Variants in PLCZ1 observed in about 807,000 individuals in gnomAD.
The protein encoded by PLCZ1 is phospholipase C zeta 1.
A neutral mutation model predicts 76.8 loss-of-function variants in PLCZ1; 64 were observed. The observed-to-expected ratio is 0.83, with a 90% CI of 0.68 to 1.03. PLCZ1 has a LOEUF of 1.03. Among genes scored for constraint, PLCZ1 ranks in the 50% least tolerant of loss-of-function variants. The pLI, the probability that PLCZ1 is intolerant of heterozygous loss-of-function variation, is 0.00. For missense variants in PLCZ1, 751 were observed against 713.7 expected, an observed-to-expected ratio of 1.05 and a Z score of -0.60; for synonymous variants, 248 against 230.8, an observed-to-expected ratio of 1.07 and a Z score of -0.68.
At chr12:18,717,661 C>A (rs1394412391) in intron 5 of PLCZ1, among the ~76,000 whole-genome samples, 1 of 152,116 alleles carries the variant, frequency 6.6e-6, no homozygotes, top group African/African-American at 2.4e-5. Context: ...CAATGGGCTT[C>A]TCTCTTGGGC....
the PLCZ1 span, among the ~76,000 whole-genome samples, chr12:18,670,984 C>G: frequency 6.6e-6 from 1 of 151,886 alleles, no homozygotes; most frequent in Non-Finnish European, 1.5e-5. Context: ...AGTTAGAGCA[C>G]CTGGACAACA....
intron 12 of PLCZ1, 106 bp from the exon 13 acceptor site, chr12:18,688,324 C>T: frequency 8.6e-7 from 1 of 1,166,764 alleles, no homozygotes; most frequent in Non-Finnish European, 1.2e-6. Flanking sequence ...GACTCTAAGT[C>T]AGCTCCCACA....
chr12:18,680,675 G>C (rs1476076411), downstream of PLCZ1, among the ~76,000 whole-genome samples: 1 of 152,032 alleles, frequency 6.6e-6, no homozygotes, highest in Non-Finnish European at 1.5e-5. Context: ...AATTTGTCCA[G>C]CCAAAGACAA....
At chr12:18,694,696 A>G (rs2137163928) in intron 12 of PLCZ1, among the ~76,000 whole-genome samples, 1 of 152,196 alleles carries the variant, frequency 6.6e-6, no homozygotes, top group East Asian at 1.9e-4. Context: ...CAATATGTCA[A>G]TTCACAGGCA....
the PLCZ1 span, among the ~76,000 whole-genome samples, chr12:18,650,744 A>C: frequency 2.4e-5 from 1 of 41,964 alleles, no homozygotes; most frequent in African/African-American, 1.5e-4. Context: ...ATATATATAT[A>C]TATATATATA....
At chr12:18,694,315 A>T (rs897371193) in intron 12 of PLCZ1, among the ~76,000 whole-genome samples, 1 of 152,116 alleles carries the variant, frequency 6.6e-6, no homozygotes, top group African/African-American at 2.4e-5. Flanking sequence ...GCGCTCTTTC[A>T]CAAACAAACA....
At chr12:18,673,196 T>G in the PLCZ1 span, among the ~76,000 whole-genome samples, 1 of 152,108 alleles carries the variant, frequency 6.6e-6, no homozygotes, top group African/African-American at 2.4e-5. Context: ...ATACTGCCCC[T>G]CATAAAGGGT....
chr12:18,714,417 T>C (rs1318003709), intron 5 of PLCZ1, among the ~76,000 whole-genome samples: 1 of 152,138 alleles, frequency 6.6e-6, no homozygotes, highest in East Asian at 1.9e-4. Flanking sequence ...TGACTGTTAG[T>C]AAATATTTAT....
chr12:18,736,982 T>C (rs1592311341), intron 2 of PLCZ1, among the ~76,000 whole-genome samples: 1 of 152,104 alleles, frequency 6.6e-6, no homozygotes, highest in Non-Finnish European at 1.5e-5. Context: ...TTACTTATCA[T>C]AGATAAACTA....
chr12:18,684,152 C>A lies in PLCZ1; in HGVS notation c.1719G>T (p.Leu573Phe), dbSNP rs1444032727. The A allele has an allele frequency of 6.2e-7, 1 of 1,611,814 alleles. No individual in the cohort carries two copies. Residue 573 changes from leucine (L) to phenylalanine (F), a missense_variant, in exon 14 of 15, where the codon TTG (leucine) becomes TTT (phenylalanine). Leu to Phe is a conservative substitution (Grantham distance 22). Coordinates refer to ENST00000266505, the MANE Select transcript of PLCZ1 (RefSeq NM_033123.4). ...TACCTTTGTTCATGCATAGAAGTGGCAAAGTATATTGCCCAAGAAATTCAT... is the reference window on the plus strand; with the variant it reads ...TACCTTTGTTCATGCATAGAAGTGGAAAAGTATATTGCCCAAGAAATTCAT... ...AGNEFLGQYT[L>F]PLLCMNKGYR...
chr12:18,648,036 T>C, the PLCZ1 span: 7 of 1,558,988 alleles, frequency 4.5e-6, no homozygotes, highest in Non-Finnish European at 6.1e-6. Flanking sequence ...TGACCATTGC[T>C]ATGAACATAT....
chr12:18,705,094 C>T (rs1956437162), intron 7 of PLCZ1, 72 bp downstream of exon 7: 4 of 1,562,684 alleles, frequency 2.6e-6, no homozygotes, highest in Non-Finnish European at 3.5e-6. Flanking sequence ...CCCAGTTTCA[C>T]AGGCCAATAT....
chr12:18,718,918 A>G (rs1393503617), intron 5 of PLCZ1, among the ~76,000 whole-genome samples: 1 of 152,202 alleles, frequency 6.6e-6, no homozygotes, highest in Non-Finnish European at 1.5e-5. Context: ...AAAATCAGCA[A>G]TGCAATGTGG....
intron 2 of PLCZ1, among the ~76,000 whole-genome samples, chr12:18,737,085 T>C (rs1959421050): frequency 1.3e-5 from 2 of 152,192 alleles, no homozygotes; most frequent in South Asian, 2.1e-4. Context: ...GTAAAAATTG[T>C]GCAAAACTAC....
In PLCZ1 at chr12:18,730,879, C is replaced by T. The variant is rs147139206; in HGVS notation, c.135+5342G>A. The stretch of plus-strand genomic sequence containing the variant: ...ATTTTAATAAATCGAGAAGCAATAG[C>T]TTTTCTCCCTTTGGAAGATACTACC... On this transcript the variant is annotated intron_variant, in intron 3 of 14. Coordinates refer to ENST00000266505, the MANE Select transcript of PLCZ1 (RefSeq NM_033123.4). The T allele has an allele frequency of 4.3e-3, 658 of 152,194 alleles. 6 individuals are homozygous for T. Among genetic ancestry groups the T allele is most frequent in the African/African-American group, 0.015 (628 of 41,550 alleles). 9.4% of individuals were successfully genotyped at this position (152,194 alleles called of 1,614,324 possible).
At chr12:18,667,961 AGAAG>A in the PLCZ1 span, among the ~76,000 whole-genome samples, 11 of 152,130 alleles carry the variant, frequency 7.2e-5, no homozygotes, top group African/African-American at 2.7e-4. Context: ...AGTCCTGAGG[AGAAG>A]CAACAACAAC....
intron 6 of PLCZ1, among the ~76,000 whole-genome samples, chr12:18,705,997 C>T (rs533672499): frequency 2.3e-4 from 35 of 151,990 alleles, no homozygotes; most frequent in South Asian, 6.2e-4. Context: ...GAGGCCGAGG[C>T]GGGTGGATCA....
chr12:18,694,117 C>G, intron 12 of PLCZ1: 1 of 960,226 alleles, frequency 1.0e-6, no homozygotes, highest in Non-Finnish European at 1.6e-6. Context: ...CGGCTGCCAT[C>G]AGGAAAATGG....
chr12:18,723,161 A>G, intron 4 of PLCZ1, 150 bp downstream of exon 4: 1 of 667,492 alleles, frequency 1.5e-6, no homozygotes, highest in South Asian at 1.9e-5. Context: ...ATTCTATAAA[A>G]TATATTTTCT....
Sources: allele counts gnomAD v4.1 joint callset (sites outside exome capture counted in the v4.1 genomes callset), GRCh38; gene constraint gnomAD v4.1.1; transcripts MANE v1.5; gene names NCBI Gene and HGNC (gene_info 2026-07-23, HGNC 2026-07-21).